FLT3: variants seen among roughly 807,000 people sequenced by gnomAD.
FLT3 encodes the protein receptor-type tyrosine-protein kinase FLT3.
A neutral mutation model predicts 126.6 loss-of-function variants in FLT3; 46 were observed. That is an observed-to-expected ratio of 0.36 (90% CI 0.29 to 0.46). The LOEUF (loss-of-function observed/expected upper bound fraction) is 0.46, where lower values mean the gene tolerates loss of function less well. FLT3 is among the 20% of genes least tolerant of loss of function. The pLI is 1.00. For synonymous variants in FLT3, 404 were observed against 434.4 expected, an observed-to-expected ratio of 0.93 and a Z score of 0.87; for missense variants, 1,069 against 1,190.3, an observed-to-expected ratio of 0.90 and a Z score of 1.50.
chr13:28,094,202 C>T (rs1283104904), intron 1 of FLT3, among the ~76,000 whole-genome samples: 2 of 152,136 alleles, frequency 1.3e-5, no homozygotes, highest in South Asian at 2.1e-4. Flanking sequence ...ATGGGCATTA[C>T]CTCCAAGAAC....
intron 1 of FLT3, among the ~76,000 whole-genome samples, chr13:28,075,146 T>C (rs1293367833): frequency 6.6e-6 from 1 of 152,214 alleles, no homozygotes; most frequent in Non-Finnish European, 1.5e-5. Context: ...TAATGTGATG[T>C]TTTAATATAT....
Position 28,024,911 on chromosome 13 carries a change from G to A in FLT3, c.2240C>T (p.Pro747Leu), listed in dbSNP as rs781675235. The change falls in exon 18 of 24, where the codon CCG (proline) becomes CTG (leucine). Residue 747 changes from proline (P) to leucine (L), a missense_variant. Pro to Leu is a moderately conservative substitution (Grantham distance 98). Transcript: ENST00000241453. Reference protein sequence around the residue: ...MPGSREVQIHPDSDQISGLHG... With the variant: ...MPGSREVQIHLDSDQISGLHG... ...AAGCCCTGAGATTTGATCCGAGTCC[G>A]GGTGTATCTGAACTTCTCTTGAACC... The A allele has an allele frequency of 9.3e-6, 15 of 1,611,900 alleles. No homozygotes were observed. In the East Asian group the frequency reaches 1.1e-4, roughly 12 times the overall value.
At chr13:28,038,075 A>C (rs1046083713) in intron 9 of FLT3, among the ~76,000 whole-genome samples, 3 of 152,322 alleles carry the variant, frequency 2.0e-5, no homozygotes, top group African/African-American at 7.2e-5. Flanking sequence ...GGCAGGACCT[A>C]TGACCAACCC....
chr13:28,097,818 G>C (rs1248719191), intron 1 of FLT3, among the ~76,000 whole-genome samples: 1 of 152,104 alleles, frequency 6.6e-6, no homozygotes, highest in African/African-American at 2.4e-5. Context: ...GCAAAGAATG[G>C]CAACTCAAAT....
At chr13:28,051,779 C>T (rs1223388360) in intron 5 of FLT3, among the ~76,000 whole-genome samples, 4 of 151,644 alleles carry the variant, frequency 2.6e-5, no homozygotes, top group East Asian at 1.9e-4. Context: ...ATCTCCTGAC[C>T]TCGTGATCCG....
chr13:28,023,597 A>G (rs764616616), intron 18 of FLT3, 120 bp from the exon 19 acceptor site: 1 of 1,067,332 alleles, frequency 9.4e-7, no homozygotes, highest in South Asian at 1.5e-5. Context: ...AAGCTATCGC[A>G]TTATCTTCCC....
intron 1 of FLT3, among the ~76,000 whole-genome samples, chr13:28,085,067 C>T (rs185345336): frequency 4.0e-5 from 6 of 151,212 alleles, no homozygotes; most frequent in South Asian, 4.2e-4. Context: ...ATGTGCAAGC[C>T]GGGGCGGTGG....
intron 9 of FLT3, among the ~76,000 whole-genome samples, chr13:28,045,156 G>A (rs1340051371): frequency 6.6e-6 from 1 of 152,142 alleles, no homozygotes; most frequent in Non-Finnish European, 1.5e-5. Context: ...ACATGAAGCA[G>A]CCCACTACAT....
intron 5 of FLT3, among the ~76,000 whole-genome samples, chr13:28,050,729 C>T (rs1875366540): frequency 6.6e-6 from 1 of 152,056 alleles, no homozygotes; most frequent in Non-Finnish European, 1.5e-5. Context: ...AGCCAAGACT[C>T]CCAAGTATTC....
Position 28,100,004 on chromosome 13 carries a change from T to A in FLT3, c.43+464A>T, listed in dbSNP as rs1323549020. ...TTCCCATCAGAGTTCCCTCCATAAA[T>A]CAAAACCTCAAAAGAAGAGTTAAAG... On this transcript the variant is annotated intron_variant, in intron 1 of 23. Coordinates refer to ENST00000241453, the MANE Select transcript of FLT3 (RefSeq NM_004119.3). The surrounding 1 kb of genome is among the most constrained non-coding windows in gnomAD (Gnocchi z 4.8). Among the ~76,000 whole-genome samples, 2 of 152,070 alleles carry A rather than the reference T, an allele frequency of 1.3e-5. No homozygotes were observed. The highest frequency in any genetic ancestry group is 2.1e-4 in the South Asian group (1 of 4,822).
rs567119036 is a variant in FLT3 at position 28,058,304 on chromosome 13, C to T, written c.369-842G>A. Among the ~76,000 whole-genome samples the T allele has an allele frequency of 1.9e-4, 29 of 150,916 alleles. No homozygotes were observed. The South Asian group carries it at 5.9e-3, about 31-fold the overall frequency. ...CTGAAGTGGGTGGATCACCTGAGGTCGGGAATTCAAGACCAGCCTGACCAA... is the reference window on the plus strand; with the variant it reads ...CTGAAGTGGGTGGATCACCTGAGGTTGGGAATTCAAGACCAGCCTGACCAA... On this transcript the variant is annotated intron_variant, in intron 3 of 23. Transcript: ENST00000241453.
intron 4 of FLT3, among the ~76,000 whole-genome samples, chr13:28,055,513 C>CA (rs1875924212): frequency 6.6e-6 from 1 of 152,198 alleles, no homozygotes; most frequent in Non-Finnish European, 1.5e-5. Flanking sequence ...ACTTTTTTGG[C>CA]AACCATGCCA....
In FLT3 at chr13:28,034,157, C is replaced by T. The variant is rs765337935; in HGVS notation, c.1762G>A (p.Glu588Lys). The T allele has an allele frequency of 6.2e-7, 1 of 1,613,942 alleles. No individual in the cohort carries two copies. Among genetic ancestry groups the T allele is most frequent in the Non-Finnish European group, 8.5e-7 (1 of 1,179,824 alleles). The stretch of plus-strand genomic sequence containing the variant: ...TCTCTGAAATCAACGTAGAAGTACT[C>T]ATTATCTGAGGAGCCGGTCACCTGT... ...MVQVTGSSDNEYFYVDFREYE... is the reference protein window; with the variant it reads ...MVQVTGSSDNKYFYVDFREYE... The change falls in exon 14 of 24, where the codon GAG (glutamate) becomes AAG (lysine). Residue 588 changes from glutamate (E) to lysine (K), a missense_variant. Physicochemically the swap from Glu to Lys is moderately conservative, Grantham distance 56. Transcript: ENST00000241453.
At position 28,015,633 on chromosome 13, in the gene FLT3, A is replaced by T. The variant is rs368432815; in HGVS notation, c.2610T>A (p.Asp870Glu). 33 of 1,613,252 alleles carry T rather than the reference A, an allele frequency of 2.0e-5. No individual in the cohort carries two copies. The highest frequency in any genetic ancestry group is 5.0e-5 in the Admixed American group (3 of 59,876). The change falls in exon 21 of 24, where the codon GAT becomes GAA. Residue 870 changes from aspartate (D) to glutamate (E), a missense_variant. Transcript: ENST00000241453. ...LFEGIYTIKS[D>E]VWSYGILLWE... is the part of the protein sequence containing the mutation. ...ACAGTAATATTCCATATGACCAGAC[A>T]TCACTCTTAATGGTGTAGATGCCTT...
intron 9 of FLT3, 99 bp downstream of exon 9, chr13:28,048,176 G>A (rs1169114420): frequency 1.2e-6 from 1 of 862,698 alleles, no homozygotes; most frequent in Admixed American, 2.4e-5. Context: ...AAACTCATAA[G>A]TGAATTTGCT....
At chr13:28,012,829 T>C (rs1871514779) in intron 23 of FLT3, among the ~76,000 whole-genome samples, 1 of 151,642 alleles carries the variant, frequency 6.6e-6, no homozygotes, top group African/African-American at 2.4e-5. Flanking sequence ...CCCAGCTACT[T>C]GGGAGGCTGA....
intron 23 of FLT3, 128 bp from the exon 24 acceptor site, chr13:28,004,302 GTTGT>G (rs778198067): frequency 8.9e-5 from 94 of 1,054,416 alleles, no homozygotes; most frequent in Non-Finnish European, 9.8e-5. Context: ...TTGTTTGTTT[GTTGT>G]TTGTTTGTTT....
intron 19 of FLT3, among the ~76,000 whole-genome samples, chr13:28,022,691 G>A (rs895684499): frequency 1.3e-5 from 2 of 152,260 alleles, no homozygotes; most frequent in Admixed American, 6.5e-5. Context: ...GTAATGAAAG[G>A]CAAGCAAACG....
At chr13:28,013,091 T>G (rs1414237533) in intron 23 of FLT3, among the ~76,000 whole-genome samples, 1 of 152,228 alleles carries the variant, frequency 6.6e-6, no homozygotes, top group East Asian at 1.9e-4. Context: ...GCTATAAGTC[T>G]GCTGGGGGCT....
Sources: gnomAD v4.1 joint callset for allele counts (sites outside exome capture counted in the v4.1 genomes callset) on GRCh38, gnomAD v4.1.1 for gene constraint, Gnocchi (gnomAD v3.1) non-coding constraint, MANE v1.5 for transcripts, NCBI Gene and HGNC (gene_info 2026-07-23, HGNC 2026-07-21) for gene names.